Variants in ST6GALNAC3 observed in about 807,000 individuals in gnomAD.
ST6GALNAC3 encodes the protein alpha-N-acetylgalactosaminide alpha-2,6-sialyltransferase 3.
A neutral mutation model predicts 32.7 loss-of-function variants in ST6GALNAC3; 25 were observed. That is an observed-to-expected ratio of 0.76 (90% CI 0.56 to 1.07). ST6GALNAC3 has a LOEUF of 1.07. Ranked by LOEUF, ST6GALNAC3 falls within the 50% of genes least tolerant of loss-of-function variation. The pLI, the probability that ST6GALNAC3 is intolerant of heterozygous loss-of-function variation, is 0.00. For synonymous variants in ST6GALNAC3, 129 were observed against 133.1 expected (o/e 0.97, Z 0.21); for missense variants, 355 against 382.4 (o/e 0.93, Z 0.60).
chr1:76,305,028 C>T (rs557391533), intron 1 of ST6GALNAC3, among the ~76,000 whole-genome samples: 4 of 152,168 alleles, frequency 2.6e-5, no homozygotes, highest in African/African-American at 9.6e-5. Flanking sequence ...GGTTAGTTAG[C>T]ACCTCCCTTT....
At chr1:76,472,146 G>A (rs541008036) in intron 3 of ST6GALNAC3, among the ~76,000 whole-genome samples, 1 of 152,186 alleles carries the variant, frequency 6.6e-6, no homozygotes, top group East Asian at 1.9e-4. Context: ...CATTTTAGGT[G>A]TTTCCATGTA....
chr1:76,097,291 G>C (rs998774296), intron 1 of ST6GALNAC3, among the ~76,000 whole-genome samples: 2 of 152,136 alleles, frequency 1.3e-5, no homozygotes, highest in Admixed American at 6.5e-5. Flanking sequence ...TTGAATTGAA[G>C]TTCCTATAAT....
At chr1:76,129,387 G>A (rs1557640139) in intron 1 of ST6GALNAC3, among the ~76,000 whole-genome samples, 1 of 152,158 alleles carries the variant, frequency 6.6e-6, no homozygotes, top group Non-Finnish European at 1.5e-5. Flanking sequence ...AGCCTAATCA[G>A]GTGACTGCCT....
At chr1:76,223,606 C>A (rs1281942695) in intron 1 of ST6GALNAC3, among the ~76,000 whole-genome samples, 2 of 152,060 alleles carry the variant, frequency 1.3e-5, no homozygotes, top group Admixed American at 1.3e-4. Context: ...GTATCCAGAC[C>A]AGGCCAGAGC....
chr1:76,364,159 A>G (rs546394097), intron 2 of ST6GALNAC3, among the ~76,000 whole-genome samples: 2 of 152,248 alleles, frequency 1.3e-5, no homozygotes, highest in Non-Finnish European at 2.9e-5. Flanking sequence ...TGTTTGGCAG[A>G]TTGGTGAATA....
chr1:76,494,158 T>C (rs1292131320), intron 3 of ST6GALNAC3, among the ~76,000 whole-genome samples: 2 of 151,922 alleles, frequency 1.3e-5, no homozygotes, highest in African/African-American at 4.8e-5. Flanking sequence ...ATTTATTATC[T>C]ATTGTGAGAG....
intron 1 of ST6GALNAC3, among the ~76,000 whole-genome samples, chr1:76,087,639 A>G (rs1359729307): frequency 6.6e-6 from 1 of 152,216 alleles, no homozygotes; most frequent in Non-Finnish European, 1.5e-5. Flanking sequence ...CATGAGGTAC[A>G]TCCACCTAGG....
At chr1:76,184,443 G>A (rs1653402600) in intron 1 of ST6GALNAC3, among the ~76,000 whole-genome samples, 1 of 151,532 alleles carries the variant, frequency 6.6e-6, no homozygotes, top group Non-Finnish European at 1.5e-5. Context: ...GGAGGCCGAG[G>A]CAGGAGAATT....
At chr1:76,271,949 G>A (rs1408481573) in intron 1 of ST6GALNAC3, among the ~76,000 whole-genome samples, 3 of 152,048 alleles carry the variant, frequency 2.0e-5, no homozygotes, top group African/African-American at 7.2e-5. Context: ...GACCCCTTCC[G>A]AGGCCAAGTA....
intron 1 of ST6GALNAC3, among the ~76,000 whole-genome samples, chr1:76,271,620 T>C (rs571803717): frequency 6.6e-6 from 1 of 152,298 alleles, no homozygotes; most frequent in Admixed American, 6.5e-5. Flanking sequence ...GATCAAGAGT[T>C]TACAAGAAGG....
At chr1:76,615,561 G>C (rs1295103969) in intron 3 of ST6GALNAC3, among the ~76,000 whole-genome samples, 1 of 152,200 alleles carries the variant, frequency 6.6e-6, no homozygotes, top group South Asian at 2.1e-4. Flanking sequence ...CTGGGTGGAG[G>C]ATCTCCTCGG....
In ST6GALNAC3 at chr1:76,303,204, A is replaced by G. The variant is rs1231717155; in HGVS notation, c.19-10601A>G. Among the ~76,000 whole-genome samples the G allele has an allele frequency of 2.0e-5, 3 of 152,014 alleles. No homozygotes were observed. The South Asian group carries it at 6.2e-4, about 32-fold the overall frequency. On this transcript the variant is annotated intron_variant, in intron 1 of 4. Coordinates refer to ENST00000328299, the MANE Select transcript of ST6GALNAC3 (RefSeq NM_152996.4). ...CCACAATCAGTCTGATTGGTTGCAG[A>G]CAGCAGTTAATCAGAGGCTGAAGTG...
At chr1:76,426,774 T>G (rs1655422158) in intron 3 of ST6GALNAC3, among the ~76,000 whole-genome samples, 1 of 151,992 alleles carries the variant, frequency 6.6e-6, no homozygotes. Context: ...CACAAACACA[T>G]GAGTAATGCG....
intron 3 of ST6GALNAC3, among the ~76,000 whole-genome samples, chr1:76,466,947 C>A (rs1178581357): frequency 6.6e-6 from 1 of 151,970 alleles, no homozygotes; most frequent in Non-Finnish European, 1.5e-5. Flanking sequence ...ACAATAAGAT[C>A]TAAAAACTAC....
At chr1:76,477,657 G>C (rs1179566845) in intron 3 of ST6GALNAC3, among the ~76,000 whole-genome samples, 2 of 152,130 alleles carry the variant, frequency 1.3e-5, no homozygotes, top group East Asian at 3.9e-4. Flanking sequence ...AGCTAGACTG[G>C]TCTGCCTCTC....
At chr1:76,327,306 G>GTA (rs1553179822) in intron 2 of ST6GALNAC3, among the ~76,000 whole-genome samples, 2 of 150,088 alleles carry the variant, frequency 1.3e-5, no homozygotes, top group Non-Finnish European at 3.0e-5. Context: ...GTGTGTGTGT[G>GTA]TGTGTGTGTA....
chr1:76,632,866 T>C lies in ST6GALNAC3; in HGVS notation c.*4060T>C, dbSNP rs540433967. On this transcript the variant is annotated 3_prime_UTR_variant, in exon 5 of 5. Coordinates refer to ENST00000328299, the MANE Select transcript of ST6GALNAC3 (RefSeq NM_152996.4). Reference sequence around the variant, plus strand: ...CATGTCAAATGCAAATAATAAATTATGTTATTCAGTATCAGTTGTTTGCAT... The same window carrying C: ...CATGTCAAATGCAAATAATAAATTACGTTATTCAGTATCAGTTGTTTGCAT... 35 of 152,270 alleles carry C rather than the reference T, an allele frequency of 2.3e-4. No homozygotes were observed. The highest frequency in any genetic ancestry group is 8.2e-4 in the African/African-American group (34 of 41,554). 9.4% of individuals were successfully genotyped at this position (152,270 alleles called of 1,614,324 possible).
intron 2 of ST6GALNAC3, among the ~76,000 whole-genome samples, chr1:76,365,587 C>A (rs139250903): frequency 2.0e-5 from 3 of 152,054 alleles, no homozygotes; most frequent in African/African-American, 7.2e-5. Flanking sequence ...TAAATAATTC[C>A]GTGATCTAAG....
intron 3 of ST6GALNAC3, among the ~76,000 whole-genome samples, chr1:76,613,508 G>T (rs999277032): frequency 1.9e-4 from 29 of 152,290 alleles, no homozygotes; most frequent in African/African-American, 7.0e-4. Context: ...TGATGACATG[G>T]CTGTCTGTGA....
Sources: allele counts gnomAD v4.1 joint callset (sites outside exome capture counted in the v4.1 genomes callset), GRCh38; gene constraint gnomAD v4.1.1; transcripts MANE v1.5; gene names NCBI Gene and HGNC (gene_info 2026-07-23, HGNC 2026-07-21).